The following PSAT1 variants were observed in gnomAD, a reference collection of about 807,000 sequenced individuals.
PSAT1 encodes the protein phosphoserine aminotransferase 1.
A neutral mutation model predicts 40.3 loss-of-function variants in PSAT1; 41 were observed. The ratio of observed to expected loss-of-function variants is 1.02; its 90% CI spans 0.79 to 1.32. The LOEUF is 1.32. PSAT1 is among the 40% of genes most tolerant of loss of function. The probability of loss-of-function intolerance (pLI) is 0.00; values close to 1 mark genes in which losing one functional copy is unlikely to be tolerated. For synonymous variants in PSAT1, 147 were observed against 170.5 expected (o/e 0.86, Z 1.07); for missense variants, 406 against 455.8 (o/e 0.89, Z 0.99).
chr9:78,328,740 A>G (rs947719841), intron 8 of PSAT1, among the ~76,000 whole-genome samples: 2 of 152,110 alleles, frequency 1.3e-5, no homozygotes, highest in African/African-American at 2.4e-5. Flanking sequence ...TTTCTTTGCC[A>G]AGAGTGAATA....
chr9:78,312,461 C>T (rs1037134480), intron 6 of PSAT1, among the ~76,000 whole-genome samples: 3 of 151,816 alleles, frequency 2.0e-5, no homozygotes, highest in Non-Finnish European at 4.4e-5. Flanking sequence ...TTTGGGAGGT[C>T]GAGGCAGGTG....
chr9:78,297,888 T>C (rs567430072), intron 1 of PSAT1, among the ~76,000 whole-genome samples: 3 of 152,292 alleles, frequency 2.0e-5, no homozygotes, highest in African/African-American at 7.2e-5. Flanking sequence ...GAAATGTAAA[T>C]TTGAAAACCT....
intron 7 of PSAT1, among the ~76,000 whole-genome samples, chr9:78,319,903 G>A (rs11137603): frequency 0.075 from 11,373 of 152,040 alleles, 666 homozygotes; most frequent in East Asian, 0.29. Flanking sequence ...GTGTGAGGGC[G>A]TGTTTAGTCC....
At chr9:78,305,391 A>C (rs1343674490) in intron 4 of PSAT1, among the ~76,000 whole-genome samples, 3 of 152,218 alleles carry the variant, frequency 2.0e-5, no homozygotes, top group Non-Finnish European at 4.4e-5. Context: ...CTGGGATTAC[A>C]GGCGTGAGCC....
chr9:78,312,901 A>G (rs1326160528), intron 6 of PSAT1, among the ~76,000 whole-genome samples: 1 of 152,152 alleles, frequency 6.6e-6, no homozygotes, highest in Non-Finnish European at 1.5e-5. Context: ...CAGTGGCTAC[A>G]TTCACCGATT....
At chr9:78,298,258 GC>G in intron 1 of PSAT1, 5 of 982,772 alleles carry the variant, frequency 5.1e-6, no homozygotes, top group Non-Finnish European at 6.0e-6. Flanking sequence ...GGCTGCCGCC[GC>G]CGTTAGATTT....
In PSAT1 at chr9:78,329,254, C is replaced by T. The variant is rs550727446; in HGVS notation, c.*168C>T. The T allele has an allele frequency of 1.1e-5, 7 of 633,728 alleles. No homozygotes were observed. Among genetic ancestry groups the T allele is most frequent in the Middle Eastern group, 8.4e-4 (2 of 2,390 alleles). 39.3% of individuals were successfully genotyped at this position (633,728 alleles called of 1,614,324 possible). ...GCAAAACATCCACAACTCTGTAAAGCTGGTGGGACCTAATGTCACCTTAAT... is the reference window on the plus strand; with the variant it reads ...GCAAAACATCCACAACTCTGTAAAGTTGGTGGGACCTAATGTCACCTTAAT... On this transcript the variant is annotated 3_prime_UTR_variant, in exon 9 of 9. Transcript: ENST00000376588.
At chr9:78,308,305 A>T in intron 5 of PSAT1, 109 bp from the exon 6 acceptor site, 1 of 1,242,582 alleles carries the variant, frequency 8.0e-7, no homozygotes, top group Non-Finnish European at 1.2e-6. Context: ...TACACAGGAT[A>T]GAGTCATTTC....
intron 6 of PSAT1, among the ~76,000 whole-genome samples, chr9:78,316,309 T>C (rs1828343799): frequency 6.6e-6 from 1 of 152,210 alleles, no homozygotes; most frequent in South Asian, 2.1e-4. Flanking sequence ...CAGGTGCAGC[T>C]GGACTTCCTG....
Position 78,297,139 on chromosome 9 carries a change from C to G in PSAT1, c.-72C>G. The G allele has an allele frequency of 6.8e-7, 1 of 1,477,994 alleles. No homozygotes were observed. Among genetic ancestry groups the G allele is most frequent in the Non-Finnish European group, 9.2e-7 (1 of 1,087,142 alleles). 91.6% of individuals were successfully genotyped at this position (1,477,994 alleles called of 1,614,324 possible). A position where few individuals can be genotyped will look rare whatever the true frequency, so the allele number is the denominator to read the frequency against. On this transcript the variant is annotated 5_prime_UTR_variant, in exon 1 of 9. Transcript: ENST00000376588. ...CGGGGCCGGCTGCAGACTCTCACCG[C>G]AGCGGCCAGGAACGCCAGCCGTTCA...
intron 7 of PSAT1, among the ~76,000 whole-genome samples, chr9:78,325,277 G>A (rs112110084): frequency 9.2e-5 from 14 of 152,138 alleles, no homozygotes; most frequent in South Asian, 2.1e-4. Flanking sequence ...TTTCCAGCAG[G>A]TCTGTGCGTT....
Position 78,329,105 on chromosome 9 carries a change from A to T in PSAT1, c.*19A>T, listed in dbSNP as rs377546355. 1.3e-6 allele frequency: 2 copies of T among 1,532,134 alleles called. No homozygotes were observed. The highest frequency in any genetic ancestry group is 2.7e-5 in the African/African-American group (2 of 73,294). 94.9% of individuals were successfully genotyped at this position (1,532,134 alleles called of 1,614,324 possible). A position where few individuals can be genotyped will look rare whatever the true frequency, so the allele number is the denominator to read the frequency against. Reference sequence around the variant, plus strand: ...GCTATGAACACATCCTAACCAGGATATACTCTGTTCTTGAACAACATACAA... The same window carrying T: ...GCTATGAACACATCCTAACCAGGATTTACTCTGTTCTTGAACAACATACAA... On this transcript the variant is annotated 3_prime_UTR_variant, in exon 9 of 9. Transcript: ENST00000376588.
intron 7 of PSAT1, among the ~76,000 whole-genome samples, chr9:78,318,244 C>T (rs528193379): frequency 3.3e-5 from 5 of 152,212 alleles, no homozygotes; most frequent in Admixed American, 6.5e-5. Context: ...AGAAAATTCA[C>T]TCCTTTCCTT....
intron 1 of PSAT1, among the ~76,000 whole-genome samples, chr9:78,299,211 G>GAAAAA (rs34154867): frequency 5.6e-4 from 79 of 140,418 alleles, no homozygotes; most frequent in African/African-American, 1.9e-3. Flanking sequence ...TCTTCAACTG[G>GAAAAA]AAAAAAAAAA....
rs534249519 is a variant in PSAT1 at position 78,299,702 on chromosome 9, G to A, written c.61-900G>A. Among the ~76,000 whole-genome samples, 5 of 151,768 alleles carry A rather than the reference G, an allele frequency of 3.3e-5. No individual in the cohort carries two copies. The East Asian group carries it at 5.8e-4, about 18-fold the overall frequency. On this transcript the variant is annotated intron_variant, in intron 1 of 8. Transcript: ENST00000376588. ...TAATTTTTGTATTTTTAGTAGAGAC[G>A]GGGTTTCACCATGTTGGCCAAGATG...
chr9:78,299,133 C>T (rs1828068327), intron 1 of PSAT1, among the ~76,000 whole-genome samples: 1 of 98,958 alleles, frequency 1.0e-5, no homozygotes, highest in African/African-American at 4.3e-5. Flanking sequence ...GAGCAAGACC[C>T]TGTCTCTTAA....
intron 7 of PSAT1, among the ~76,000 whole-genome samples, chr9:78,325,186 G>A (rs570244474): frequency 1.3e-5 from 2 of 152,156 alleles, no homozygotes; most frequent in African/African-American, 4.8e-5. Flanking sequence ...GCTTCCTAAA[G>A]ATGGAAAAAA....
At chr9:78,319,953 C>A (rs557439623) in intron 7 of PSAT1, among the ~76,000 whole-genome samples, 1 of 150,364 alleles carries the variant, frequency 6.7e-6, no homozygotes, top group Admixed American at 6.7e-5. Context: ...CCCACCCATC[C>A]ACCCACCTAC....
At position 78,302,038 on chromosome 9, in the gene PSAT1, G is replaced by C; in HGVS notation, c.191+15G>C. On this transcript the variant is annotated intron_variant, in intron 3 of 8. Coordinates refer to ENST00000376588, the MANE Select transcript of PSAT1 (RefSeq NM_058179.4). ...CGGGAATTGCTGTAAGTTTTAAAAA[G>C]ACCAAATCATGTTACTTTTGTTAGA... The C allele has an allele frequency of 6.3e-7, 1 of 1,575,926 alleles. No individual in the cohort carries two copies. The highest frequency in any genetic ancestry group is 8.7e-7 in the Non-Finnish European group (1 of 1,145,434).
Sources: allele counts gnomAD v4.1 joint callset (sites outside exome capture counted in the v4.1 genomes callset), GRCh38; gene constraint gnomAD v4.1.1; transcripts MANE v1.5; gene names NCBI Gene and HGNC (gene_info 2026-07-23, HGNC 2026-07-21).